CSNK1G1: variants seen among roughly 807,000 people sequenced by gnomAD.
CSNK1G1 encodes casein kinase 1 gamma 1.
CSNK1G1 carries 22 observed loss-of-function variants against 59.6 expected under a neutral mutation model. The observed-to-expected ratio is 0.37, with a 90% CI of 0.26 to 0.53. CSNK1G1 has a LOEUF of 0.53. Among genes scored for constraint, CSNK1G1 ranks in the 20% least tolerant of loss-of-function variants. CSNK1G1 has a pLI of 0.89. For synonymous variants in CSNK1G1, 179 were observed against 177.1 expected (o/e 1.01, Z -0.08); for missense variants, 384 against 519.5 (o/e 0.74, Z 2.54).
intron 10 of CSNK1G1, among the ~76,000 whole-genome samples, chr15:64,193,249 T>C (rs991117143): frequency 1.3e-5 from 2 of 152,004 alleles, no homozygotes; most frequent in Non-Finnish European, 2.9e-5. Context: ...CCCAGCACTT[T>C]AGGAGGCCGA....
At chr15:64,227,207 G>A (rs961266475) in intron 4 of CSNK1G1, among the ~76,000 whole-genome samples, 5 of 152,270 alleles carry the variant, frequency 3.3e-5, no homozygotes, top group Middle Eastern at 6.8e-3. Context: ...AAATGTGCAC[G>A]AATACTAACA....
intron 1 of CSNK1G1, among the ~76,000 whole-genome samples, chr15:64,322,483 A>C (rs534142998): frequency 6.6e-6 from 1 of 151,756 alleles, no homozygotes; most frequent in South Asian, 2.1e-4. Flanking sequence ...TATTACCAGC[A>C]TGAGCCGCCA....
At chr15:64,322,434 C>A (rs891893724) in intron 1 of CSNK1G1, among the ~76,000 whole-genome samples, 1 of 151,898 alleles carries the variant, frequency 6.6e-6, no homozygotes, top group African/African-American at 2.4e-5. Context: ...AACTCCTGGG[C>A]TCAAGCAATC....
chr15:64,251,109 A>T (rs1037270344), intron 4 of CSNK1G1, among the ~76,000 whole-genome samples: 1 of 152,262 alleles, frequency 6.6e-6, no homozygotes, highest in Non-Finnish European at 1.5e-5. Flanking sequence ...GTAATATTTC[A>T]GAATGTATAT....
intron 2 of CSNK1G1, among the ~76,000 whole-genome samples, chr15:64,277,744 TATATTTAATAATATAG>T (rs1893777195): frequency 1.4e-5 from 1 of 69,166 alleles, no homozygotes; most frequent in Non-Finnish European, 2.8e-5. Flanking sequence ...TTAATATTGA[TATATTTAATAATATAG>T]CAATATTGAT....
At position 64,166,911 on chromosome 15, in the gene CSNK1G1, TAAAAG is replaced by T. The variant is rs2081609353; in HGVS notation, c.*5015_*5019del. 6.6e-6 allele frequency: 1 copy of T among 152,452 alleles called. No individual in the cohort carries two copies. Among genetic ancestry groups the T allele is most frequent in the Non-Finnish European group, 1.5e-5 (1 of 68,014 alleles). 9.4% of individuals were successfully genotyped at this position (152,452 alleles called of 1,614,324 possible). ...ATTGTGAGGAGTAAAAGAAGAAAAA[TAAAAG>T]AAATTCTGTCTACAGAACGGAGGTT... On this transcript the variant is annotated 3_prime_UTR_variant, in exon 12 of 12. Transcript: ENST00000303052. This position sits in a 1 kb window ranked among gnomAD's most constrained non-coding sequence, Gnocchi z 4.5.
intron 1 of CSNK1G1, among the ~76,000 whole-genome samples, chr15:64,347,797 G>A (rs1898059919): frequency 6.6e-6 from 1 of 151,858 alleles, no homozygotes; most frequent in Admixed American, 6.6e-5. Flanking sequence ...CACGAGGTCA[G>A]GAGATCGAGA....
At chr15:64,181,148 T>C (rs767572145) in intron 10 of CSNK1G1, 197 of 1,479,096 alleles carry the variant, frequency 1.3e-4, no homozygotes, top group Non-Finnish European at 1.6e-4. Context: ...AGAGGGAAGA[T>C]GGTAAAAAAA....
intron 1 of CSNK1G1, among the ~76,000 whole-genome samples, chr15:64,331,331 A>G: frequency 7.2e-6 from 1 of 139,234 alleles, no homozygotes; most frequent in African/African-American, 2.7e-5. Context: ...AAACAGAGAT[A>G]TAGATCAATG....
chr15:64,207,642 G>T, intron 6 of CSNK1G1, 48 bp from the exon 7 acceptor site: 1 of 1,472,912 alleles, frequency 6.8e-7, no homozygotes, highest in South Asian at 1.1e-5. Flanking sequence ...TATTAAAGCA[G>T]AAAGAGGTTC....
intron 1 of CSNK1G1, among the ~76,000 whole-genome samples, chr15:64,349,875 G>A (rs1898185689): frequency 6.7e-6 from 1 of 148,848 alleles, no homozygotes; most frequent in Non-Finnish European, 1.5e-5. Flanking sequence ...AGGAGTTCAA[G>A]ACCAGCCTGA....
chr15:64,173,109 C>G (rs2081695415), intron 11 of CSNK1G1, among the ~76,000 whole-genome samples: 1 of 152,188 alleles, frequency 6.6e-6, no homozygotes, highest in Non-Finnish European at 1.5e-5. Context: ...TCTGAAAAAA[C>G]TATCTTTGAG....
chr15:64,333,488 T>A (rs1460579476), intron 1 of CSNK1G1, among the ~76,000 whole-genome samples: 1 of 134,148 alleles, frequency 7.5e-6, no homozygotes, highest in East Asian at 2.3e-4. Flanking sequence ...TAGAAGCTCC[T>A]GAAAGCACAA....
rs139931957 is a variant in CSNK1G1, at chr15:64,195,617, C to G, written c.1107+7465G>C. ...ACTCTAATATCAGATCTGTGGATAC[C>G]GGCAGGACTTACTTCCTGATTGAAT... On this transcript the variant is annotated intron_variant, in intron 10 of 11. Transcript: ENST00000303052. Among the ~76,000 whole-genome samples, 700 of 152,246 alleles carry G rather than the reference C, an allele frequency of 4.6e-3. 5 individuals carry two copies. Among genetic ancestry groups the G allele is most frequent in the Middle Eastern group, 0.014 (4 of 294 alleles).
At chr15:64,313,746 T>C (rs1038745825) in intron 1 of CSNK1G1, among the ~76,000 whole-genome samples, 1 of 139,966 alleles carries the variant, frequency 7.1e-6, no homozygotes, top group African/African-American at 2.7e-5. Flanking sequence ...ACTTAAAGTA[T>C]AATAATAATT....
intron 2 of CSNK1G1, among the ~76,000 whole-genome samples, chr15:64,277,595 T>C: frequency 7.2e-6 from 1 of 139,416 alleles, no homozygotes; most frequent in South Asian, 2.3e-4. Context: ...TATTAATATA[T>C]TTAATAATAT....
intron 6 of CSNK1G1, among the ~76,000 whole-genome samples, chr15:64,208,340 A>C (rs1376301066): frequency 6.6e-6 from 1 of 152,188 alleles, no homozygotes; most frequent in African/African-American, 2.4e-5. Context: ...CCAAAACAAA[A>C]TAAAACAAAA....
chr15:64,211,838 T>A (rs908218799), intron 6 of CSNK1G1, among the ~76,000 whole-genome samples: 10 of 152,184 alleles, frequency 6.6e-5, no homozygotes, highest in Non-Finnish European at 1.3e-4. Flanking sequence ...TGAACACCCA[T>A]CCCTTGTCTG....
At chr15:64,209,740 A>C (rs1346648567) in intron 6 of CSNK1G1, among the ~76,000 whole-genome samples, 1 of 146,296 alleles carries the variant, frequency 6.8e-6, no homozygotes, top group Non-Finnish European at 1.5e-5. Flanking sequence ...AGGAGAGTTG[A>C]GTGGAGGCCT....
Sources: allele counts gnomAD v4.1 joint callset (sites outside exome capture counted in the v4.1 genomes callset), GRCh38; gene constraint gnomAD v4.1.1; non-coding constraint Gnocchi (gnomAD v3.1); transcripts MANE v1.5; gene names NCBI Gene and HGNC (gene_info 2026-07-23, HGNC 2026-07-21).